Variants in SAFB2 observed in about 807,000 individuals in gnomAD.
SAFB2 encodes scaffold attachment factor B2.
A neutral mutation model predicts 100.6 loss-of-function variants in SAFB2; 32 were observed. The observed-to-expected ratio is 0.32, with a 90% CI of 0.24 to 0.43. The LOEUF (loss-of-function observed/expected upper bound fraction) is 0.43. Among genes scored for constraint, SAFB2 ranks in the 20% least tolerant of loss-of-function variants. SAFB2 has a pLI of 1.00. For synonymous variants in SAFB2, 500 were observed against 439.4 expected, an observed-to-expected ratio of 1.14 and a Z score of -1.72; for missense variants, 1,185 against 1,163.4, an observed-to-expected ratio of 1.02 and a Z score of -0.27.
At chr19:5,617,855 C>G (rs1041262451) in intron 2 of SAFB2, among the ~76,000 whole-genome samples, 6 of 152,178 alleles carry the variant, frequency 3.9e-5, no homozygotes, top group African/African-American at 1.4e-4. Context: ...GAAAAAATGC[C>G]CACAGTGTAG....
chr19:5,594,078 G>GCTGGCA lies in SAFB2; in HGVS notation c.2014_2019dup (p.Cys672_Gln673dup). 1 of 1,595,694 alleles carries GCTGGCA rather than the reference G, an allele frequency of 6.3e-7. No homozygotes were observed. Among genetic ancestry groups the GCTGGCA allele is most frequent in the Non-Finnish European group, 8.5e-7 (1 of 1,176,060 alleles). ...ATGCGCTCCCGCTCCAGCCGCTGGC[G>GCTGGCA]CTGGCACTCGAGCTGCAGGCGTTCC... On this transcript the variant is annotated inframe_insertion, in exon 15 of 21. Coordinates refer to ENST00000252542, the MANE Select transcript of SAFB2 (RefSeq NM_014649.3).
At chr19:5,601,813 G>A (rs976513244) in intron 11 of SAFB2, among the ~76,000 whole-genome samples, 2 of 152,154 alleles carry the variant, frequency 1.3e-5, no homozygotes, top group African/African-American at 4.8e-5. Context: ...TTCACCTGCT[G>A]CACAAAATTC....
intron 2 of SAFB2, among the ~76,000 whole-genome samples, chr19:5,616,798 T>C (rs1196501426): frequency 2.0e-5 from 3 of 151,922 alleles, no homozygotes; most frequent in African/African-American, 4.8e-5. Flanking sequence ...ACTACAGGCG[T>C]GCATCACCAT....
intron 18 of SAFB2, among the ~76,000 whole-genome samples, chr19:5,589,592 G>A (rs547861900): frequency 2.6e-5 from 4 of 152,210 alleles, no homozygotes; most frequent in South Asian, 4.1e-4. Context: ...GCCTCCTCAC[G>A]GCCAGCCCAG....
At chr19:5,594,535 C>T (rs2052495205) in intron 14 of SAFB2, among the ~76,000 whole-genome samples, 1 of 152,148 alleles carries the variant, frequency 6.6e-6, no homozygotes, top group Non-Finnish European at 1.5e-5. Flanking sequence ...TCCTTCAAGA[C>T]CACAGCCCAG....
chr19:5,622,102 C>T (rs2053167385), intron 1 of SAFB2, among the ~76,000 whole-genome samples: 1 of 152,200 alleles, frequency 6.6e-6, no homozygotes, highest in Admixed American at 6.5e-5. Flanking sequence ...TTCGTAAAGG[C>T]CAAAGCCCTG....
chr19:5,598,606 G>A, intron 13 of SAFB2, 187 bp downstream of exon 13: 3 of 602,724 alleles, frequency 5.0e-6, no homozygotes, highest in East Asian at 5.8e-5. Flanking sequence ...AACACGGATG[G>A]GCACTGCTCT....
intron 13 of SAFB2, among the ~76,000 whole-genome samples, chr19:5,596,491 C>G (rs1026452133): frequency 2.0e-5 from 3 of 152,150 alleles, no homozygotes; most frequent in Non-Finnish European, 4.4e-5. Context: ...ACCACAGGTG[C>G]ACACCACCAT....
At chr19:5,616,561 C>A in intron 2 of SAFB2, 75 bp from the exon 3 acceptor site, 1 of 1,202,960 alleles carries the variant, frequency 8.3e-7, no homozygotes, top group Non-Finnish European at 1.2e-6. Context: ...GAATAGATTT[C>A]AATCTTAGAA....
rs1326531772 is a variant in SAFB2, at chr19:5,610,049, C to G, written c.1242G>C (p.Leu414=). 6.2e-7 allele frequency: 1 copy of G among 1,614,068 alleles called. No individual in the cohort carries two copies. The highest frequency in any genetic ancestry group is 8.5e-7 in the Non-Finnish European group (1 of 1,180,032). The change falls in exon 9 of 21, where the codon CTG becomes CTC. Residue 414 remains leucine (L), a synonymous_variant. Coordinates refer to ENST00000252542, the MANE Select transcript of SAFB2 (RefSeq NM_014649.3). ...GATCCGTAGCGCGTGTTGTGGAGGA[C>G]AGCCCGCTGACCCACAGGTTCCGAC... is the stretch of plus-strand genomic sequence containing the variant. ...GSGRNLWVSG[L]SSTTRATDLK...
intron 13 of SAFB2, 85 bp from the exon 14 acceptor site, chr19:5,595,582 A>G: frequency 6.7e-7 from 1 of 1,501,942 alleles, no homozygotes; most frequent in Non-Finnish European, 9.0e-7. Context: ...GCATGAGACT[A>G]AGATTCTCTG....
chr19:5,591,272 C>A (rs1412080617), intron 17 of SAFB2: 3 of 118,300 alleles, frequency 2.5e-5, no homozygotes, highest in South Asian at 2.6e-4. Flanking sequence ...AATATTTGCG[C>A]TTTTTTTTTT....
chr19:5,597,276 T>C (rs956192182), intron 13 of SAFB2, among the ~76,000 whole-genome samples: 78 of 152,070 alleles, frequency 5.1e-4, no homozygotes, highest in African/African-American at 1.8e-3. Flanking sequence ...AATTTAAACG[T>C]TAAAAGAGGC....
chr19:5,603,629 C>CG (rs1400683040), intron 11 of SAFB2, among the ~76,000 whole-genome samples: 2 of 152,246 alleles, frequency 1.3e-5, no homozygotes, highest in African/African-American at 4.8e-5. Flanking sequence ...CGCCAAGGTA[C>CG]GCCAAGGTAC....
At chr19:5,615,613 G>T (rs1046811266) in intron 4 of SAFB2, among the ~76,000 whole-genome samples, 1 of 151,558 alleles carries the variant, frequency 6.6e-6, no homozygotes, top group East Asian at 2.0e-4. Context: ...TATGCAGGGG[G>T]ATTGCTTGAA....
intron 15 of SAFB2, chr19:5,593,569 G>A (rs563870982): frequency 1.0e-5 from 3 of 291,274 alleles, no homozygotes; most frequent in Non-Finnish European, 1.3e-5. Context: ...GCGTTCGGTT[G>A]TCTCGCAAGA....
intron 4 of SAFB2, among the ~76,000 whole-genome samples, chr19:5,615,158 T>C (rs1317523953): frequency 6.6e-6 from 1 of 151,860 alleles, no homozygotes; most frequent in East Asian, 1.9e-4. Flanking sequence ...ATGGAGACCA[T>C]CATGGCCAAC....
intron 13 of SAFB2, 54 bp from the exon 14 acceptor site, chr19:5,595,551 C>T (rs1568211335): frequency 2.9e-5 from 46 of 1,599,602 alleles, no homozygotes; most frequent in Non-Finnish European, 2.8e-5. Flanking sequence ...AACAAACAAA[C>T]AATGGAGATT....
Position 5,604,914 on chromosome 19 carries a change from G to A in SAFB2, c.1319C>T (p.Thr440Met), listed in dbSNP as rs746869099. ...YGKVVGAKVV[T>M]NARSPGARCY... ...TCGAGCCCCCGGGCTGCGGGCGTTC[G>A]TTACCACTTTGGCCCCGACAACCTT... is the stretch of plus-strand genomic sequence containing the variant. The change falls in exon 10 of 21, where the codon ACG becomes ATG. Residue 440 changes from threonine to methionine, a missense_variant. Coordinates refer to ENST00000252542, the MANE Select transcript of SAFB2 (RefSeq NM_014649.3). The A allele has an allele frequency of 6.2e-6, 10 of 1,613,338 alleles. No individual in the cohort carries two copies. The highest frequency in any genetic ancestry group is 8.5e-6 in the Non-Finnish European group (10 of 1,180,018).
Sources: gnomAD v4.1 joint callset for allele counts (sites outside exome capture counted in the v4.1 genomes callset) on GRCh38, gnomAD v4.1.1 for gene constraint, MANE v1.5 for transcripts, NCBI Gene and HGNC (gene_info 2026-07-23, HGNC 2026-07-21) for gene names.